Variants in USH2A observed in about 807,000 individuals in gnomAD.
USH2A encodes the protein Usher syndrome 2A (autosomal recessive, mild).
In USH2A, 443 loss-of-function variants were observed where a neutral mutation model predicts 538.9. The observed-to-expected ratio is 0.82, with a 90% CI of 0.76 to 0.89. USH2A has a LOEUF of 0.89. USH2A is among the 40% of genes least tolerant of loss of function. USH2A has a pLI of 0.00. For synonymous variants in USH2A, 2,413 were observed against 2,273.5 expected, an observed-to-expected ratio of 1.06 and a Z score of -1.75; for missense variants, 6,633 against 6,324.8, an observed-to-expected ratio of 1.05 and a Z score of -1.65.
At chr1:215,952,434 G>A (rs1049712117) in intron 37 of USH2A, among the ~76,000 whole-genome samples, 6 of 152,120 alleles carry the variant, frequency 3.9e-5, no homozygotes, top group Non-Finnish European at 7.4e-5. Flanking sequence ...GATGTTAGCT[G>A]GTTATTTTGC....
intron 25 of USH2A, 73 bp from the exon 26 acceptor site, chr1:216,083,659 A>C (rs2032023180): frequency 6.9e-7 from 1 of 1,457,278 alleles, no homozygotes; most frequent in African/African-American, 1.4e-5. Context: ...GTGCTAAGAA[A>C]CTCTAGGACA....
chr1:216,046,616 G>A, intron 31 of USH2A, 24 bp from the exon 32 acceptor site: 1 of 1,613,216 alleles, frequency 6.2e-7, no homozygotes, highest in Non-Finnish European at 8.5e-7. Context: ...GATTTATAGA[G>A]TCTAATTTTA....
At chr1:215,999,406 A>G (rs1668214788) in intron 33 of USH2A, among the ~76,000 whole-genome samples, 1 of 152,152 alleles carries the variant, frequency 6.6e-6, no homozygotes, top group Non-Finnish European at 1.5e-5. Flanking sequence ...GAATAATATA[A>G]TTGTCCTGGA....
intron 21 of USH2A, among the ~76,000 whole-genome samples, chr1:216,131,273 G>T (rs1425425033): frequency 1.3e-5 from 2 of 151,938 alleles, no homozygotes; most frequent in African/African-American, 4.8e-5. Context: ...TGTTTGTTCT[G>T]CTGGCTATTC....
chr1:215,736,811 A>C (rs967981046), intron 60 of USH2A, among the ~76,000 whole-genome samples: 20 of 152,156 alleles, frequency 1.3e-4, no homozygotes, highest in African/African-American at 4.6e-4. Context: ...GAAAATATTG[A>C]GCTGACAGAT....
intron 21 of USH2A, among the ~76,000 whole-genome samples, chr1:216,165,483 C>T (rs968037916): frequency 2.0e-5 from 3 of 152,118 alleles, no homozygotes; most frequent in Non-Finnish European, 4.4e-5. Flanking sequence ...TGGTACTATA[C>T]AGTTTAAAAT....
chr1:216,311,030 A>AAT (rs2102637125), intron 9 of USH2A, among the ~76,000 whole-genome samples: 1 of 152,314 alleles, frequency 6.6e-6, no homozygotes, highest in African/African-American at 2.4e-5. Context: ...TCCCAAAGGG[A>AAT]ATATCCTGAC....
At chr1:216,313,291 C>G (rs765813925) in intron 9 of USH2A, among the ~76,000 whole-genome samples, 4 of 152,172 alleles carry the variant, frequency 2.6e-5, no homozygotes, top group African/African-American at 4.8e-5. Context: ...AGACCACAGA[C>G]CACTACTGAC....
intron 30 of USH2A, among the ~76,000 whole-genome samples, chr1:216,051,295 G>A (rs552332498): frequency 1.3e-5 from 2 of 152,216 alleles, no homozygotes; most frequent in African/African-American, 2.4e-5. Context: ...CATACTCAAC[G>A]TGCCCCAACC....
intron 16 of USH2A, among the ~76,000 whole-genome samples, chr1:216,203,195 T>C (rs752871479): frequency 1.3e-5 from 2 of 151,722 alleles, no homozygotes; most frequent in Non-Finnish European, 2.9e-5. Flanking sequence ...CAAATAGTAT[T>C]AAACTATATA....
intron 35 of USH2A, among the ~76,000 whole-genome samples, chr1:215,981,696 A>G (rs775309566): frequency 6.6e-6 from 1 of 152,192 alleles, no homozygotes; most frequent in Non-Finnish European, 1.5e-5. Context: ...TTTGAGGACT[A>G]TCTACTAGTC....
chr1:215,966,229 A>G (rs1415032836), intron 36 of USH2A, among the ~76,000 whole-genome samples: 1 of 152,174 alleles, frequency 6.6e-6, no homozygotes, highest in African/African-American at 2.4e-5. Context: ...GAAGATTTCA[A>G]TAGATAAATA....
chr1:216,266,714 T>C (rs2036479566), intron 11 of USH2A, among the ~76,000 whole-genome samples: 1 of 152,006 alleles, frequency 6.6e-6, no homozygotes, highest in Non-Finnish European at 1.5e-5. Context: ...GTGCATAAAA[T>C]ATATATGTAT....
chr1:216,289,168 C>T (rs1396296817), intron 11 of USH2A, 112 bp downstream of exon 11: 7 of 1,491,912 alleles, frequency 4.7e-6, no homozygotes, highest in Non-Finnish European at 6.5e-6. Context: ...TGCAAATGCA[C>T]ATAGAGGATT....
At chr1:216,283,387 G>A (rs1349331711) in intron 11 of USH2A, among the ~76,000 whole-genome samples, 1 of 152,212 alleles carries the variant, frequency 6.6e-6, no homozygotes, top group Admixed American at 6.5e-5. Flanking sequence ...ACCGCGCCCA[G>A]CCTGAATTTA....
At chr1:216,236,283 T>A (rs1367462401) in intron 13 of USH2A, among the ~76,000 whole-genome samples, 2 of 152,100 alleles carry the variant, frequency 1.3e-5, no homozygotes, top group Non-Finnish European at 2.9e-5. Context: ...AGTTCAGAAA[T>A]CATTTTCTCT....
At chr1:215,800,816 C>A (rs1183494647) in intron 49 of USH2A, among the ~76,000 whole-genome samples, 1 of 151,762 alleles carries the variant, frequency 6.6e-6, no homozygotes. Context: ...TACAACTTAC[C>A]AAAGAAACCA....
At chr1:215,815,480 T>A (rs894671538) in intron 48 of USH2A, among the ~76,000 whole-genome samples, 1 of 151,986 alleles carries the variant, frequency 6.6e-6, no homozygotes, top group Non-Finnish European at 1.5e-5. Context: ...ACCGGTTCTT[T>A]GTCATTCACT....
Position 215,786,795 on chromosome 1 carries a change from G to T in USH2A, c.10262C>A (p.Thr3421Asn). Residue 3421 changes from threonine (T) to asparagine (N), a missense_variant, in exon 52 of 72, where the codon ACC (threonine) becomes AAC (asparagine). Physicochemically the swap from Thr to Asn is moderately conservative, Grantham distance 65 (BLOSUM62 0). Coordinates refer to ENST00000307340, the MANE Select transcript of USH2A (RefSeq NM_206933.4). ...EHCGRCDFNF[T>N]SHICTVIRGS... ...TCTTATCACAGTGCAAATGTGGCTGGTAAAGTTGAAGTCACACCTGCCACA... is the reference window on the plus strand; with the variant it reads ...TCTTATCACAGTGCAAATGTGGCTGTTAAAGTTGAAGTCACACCTGCCACA... 6.2e-7 allele frequency: 1 copy of T among 1,613,660 alleles called. No individual in the cohort carries two copies. The highest frequency in any genetic ancestry group is 1.3e-5 in the African/African-American group (1 of 75,012).
Sources: gnomAD v4.1 joint callset for allele counts (sites outside exome capture counted in the v4.1 genomes callset) on GRCh38, gnomAD v4.1.1 for gene constraint, MANE v1.5 for transcripts, NCBI Gene and HGNC (gene_info 2026-07-23, HGNC 2026-07-21) for gene names.